The following WWOX variants were observed in gnomAD, a reference collection of about 807,000 sequenced individuals.
WWOX encodes the protein WW domain containing oxidoreductase.
Under a neutral mutation model 46.2 loss-of-function variants are expected in WWOX, and 69 were observed. The ratio of observed to expected loss-of-function variants is 1.49; its 90% CI spans 1.23 to 1.82. The LOEUF (loss-of-function observed/expected upper bound fraction) is 1.82, where lower values mean the gene tolerates loss of function less well. Ranked by LOEUF, WWOX falls within the 40% of genes most tolerant of loss-of-function variation. The pLI is 0.00. For synonymous variants in WWOX, 359 were observed against 202.6 expected (o/e 1.77, Z -6.56); for missense variants, 919 against 542.6 (o/e 1.69, Z -6.89).
chr16:78,523,767 T>A (rs1391708897), intron 8 of WWOX, among the ~76,000 whole-genome samples: 1 of 152,180 alleles, frequency 6.6e-6, no homozygotes, highest in African/African-American at 2.4e-5. Context: ...ACGTCTGATT[T>A]ATGAGAGCAT....
At chr16:78,638,393 C>G (rs1056569438) in intron 8 of WWOX, among the ~76,000 whole-genome samples, 1 of 152,128 alleles carries the variant, frequency 6.6e-6, no homozygotes, top group Non-Finnish European at 1.5e-5. Flanking sequence ...CTGGCTGGGT[C>G]TGCCTTTCCA....
intron 5 of WWOX, among the ~76,000 whole-genome samples, chr16:78,330,130 C>G (rs920027037): frequency 6.6e-6 from 1 of 152,060 alleles, no homozygotes; most frequent in Non-Finnish European, 1.5e-5. Context: ...TACCTAAATG[C>G]CTAAACGTTT....
intron 8 of WWOX, among the ~76,000 whole-genome samples, chr16:78,718,911 A>T (rs544774389): frequency 6.6e-6 from 1 of 152,214 alleles, no homozygotes; most frequent in Admixed American, 6.5e-5. Flanking sequence ...CTGACTCATG[A>T]CCTAAAGAAC....
At chr16:78,915,014 A>G (rs145129108) in intron 8 of WWOX, among the ~76,000 whole-genome samples, 57 of 152,276 alleles carry the variant, frequency 3.7e-4, no homozygotes, top group African/African-American at 1.3e-3. Context: ...GGTTCACACC[A>G]AAAACATAGA....
At chr16:78,406,356 T>TA (rs2082543739) in intron 6 of WWOX, among the ~76,000 whole-genome samples, 2 of 96,250 alleles carry the variant, frequency 2.1e-5, no homozygotes, top group East Asian at 3.0e-4. Context: ...ATATATATAT[T>TA]TTATTATTTT....
At position 78,329,865 on chromosome 16, in the gene WWOX, A is replaced by G. The variant is rs78319928; in HGVS notation, c.517-56995A>G. ...TGGCTCCAGTGATTCTCCCACCTCA[A>G]CCTCCCAAGTAGCTGGGACTACAGG... On this transcript the variant is annotated intron_variant, in intron 5 of 8. Coordinates refer to ENST00000566780, the MANE Select transcript of WWOX (RefSeq NM_016373.4). Among the ~76,000 whole-genome samples the G allele has an allele frequency of 4.7e-3, 707 of 151,376 alleles. 24 individuals carry two copies. The East Asian group carries it at 0.079, about 17-fold the overall frequency.
chr16:78,856,006 C>G (rs1188507347), intron 8 of WWOX, among the ~76,000 whole-genome samples: 2 of 152,198 alleles, frequency 1.3e-5, no homozygotes, highest in African/African-American at 4.8e-5. Context: ...AGGTGACTAA[C>G]TTTATCTAAC....
chr16:78,644,096 C>G (rs1034106269), intron 8 of WWOX, among the ~76,000 whole-genome samples: 2 of 152,040 alleles, frequency 1.3e-5, no homozygotes, highest in Non-Finnish European at 2.9e-5. Context: ...GTGGTGCATG[C>G]CTGTAATCCC....
chr16:78,596,253 T>C (rs972462386), intron 8 of WWOX, among the ~76,000 whole-genome samples: 9 of 152,330 alleles, frequency 5.9e-5, no homozygotes, highest in African/African-American at 2.2e-4. Context: ...ATCTTTTCTT[T>C]TGTTCATTTG....
At chr16:78,262,649 G>A (rs1269455383) in intron 5 of WWOX, among the ~76,000 whole-genome samples, 1 of 152,054 alleles carries the variant, frequency 6.6e-6, no homozygotes, top group Non-Finnish European at 1.5e-5. Context: ...GTTGGAGAAG[G>A]TCAGGCAAAG....
At chr16:79,170,878 A>C (rs1237504963) in intron 8 of WWOX, among the ~76,000 whole-genome samples, 2 of 152,118 alleles carry the variant, frequency 1.3e-5, no homozygotes, top group East Asian at 3.8e-4. Context: ...ACTTTGGCCA[A>C]ACCTTCGTGG....
At position 78,878,805 on chromosome 16, in the gene WWOX, A is replaced by T. The variant is rs2044283490; in HGVS notation, c.1057-332803A>T. On this transcript the variant is annotated intron_variant, in intron 8 of 8. Transcript: ENST00000566780. ...CTTATGGCTGTAATCCCAGAAACTC[A>T]AGAAGCTGAGGCAGGAGAATCCCTA... Among the ~76,000 whole-genome samples, 3 of 151,704 alleles carry T rather than the reference A, an allele frequency of 2.0e-5. No homozygotes were observed. The South Asian group carries it at 6.3e-4, about 32-fold the overall frequency.
chr16:78,550,692 C>T (rs1003688130), intron 8 of WWOX: 8 of 152,074 alleles, frequency 5.3e-5, no homozygotes, highest in South Asian at 4.2e-4. Context: ...TACTCCTGGG[C>T]TGTGCTGGGG....
chr16:78,725,789 C>G (rs1276543712), intron 8 of WWOX, among the ~76,000 whole-genome samples: 2 of 152,016 alleles, frequency 1.3e-5, no homozygotes, highest in Admixed American at 1.3e-4. Context: ...TACTCCATGC[C>G]TTTGTCTTAG....
chr16:78,801,666 A>G (rs1354319094), intron 8 of WWOX, among the ~76,000 whole-genome samples: 4 of 152,168 alleles, frequency 2.6e-5, no homozygotes, highest in Non-Finnish European at 1.5e-5. Flanking sequence ...AGTTATCCAC[A>G]GAGTTTTAAA....
chr16:78,709,434 G>T (rs2048392243), intron 8 of WWOX, among the ~76,000 whole-genome samples: 1 of 152,260 alleles, frequency 6.6e-6, no homozygotes, highest in South Asian at 2.1e-4. Flanking sequence ...AAGTAATCGG[G>T]CTCTGTCAGA....
At position 78,218,781 on chromosome 16, in the gene WWOX, C is replaced by T. The variant is rs1372450679; in HGVS notation, c.516+54492C>T. On this transcript the variant is annotated intron_variant, in intron 5 of 8. Transcript: ENST00000566780. The stretch of plus-strand genomic sequence containing the variant: ...CGCCGTGCAGTGTGGAAGCACGCTT[C>T]GGTGCGCATGTAAGTTTACGTGCTA... Among the ~76,000 whole-genome samples the T allele has an allele frequency of 2.6e-5, 4 of 152,200 alleles. No individual in the cohort carries two copies. In the East Asian group the frequency reaches 5.8e-4, roughly 22 times the overall value.
At chr16:78,909,942 A>G (rs553870993) in intron 8 of WWOX, among the ~76,000 whole-genome samples, 21 of 152,346 alleles carry the variant, frequency 1.4e-4, no homozygotes, top group Admixed American at 4.6e-4. Flanking sequence ...CTGGGGTTTC[A>G]TCTTCTCTCC....
chr16:78,495,558 G>A (rs932703628), intron 8 of WWOX, among the ~76,000 whole-genome samples: 1 of 150,594 alleles, frequency 6.6e-6, no homozygotes, highest in Non-Finnish European at 1.5e-5. Context: ...ACCTAGGCTG[G>A]AGTGCAGTGG....
Sources: allele counts gnomAD v4.1 joint callset (sites outside exome capture counted in the v4.1 genomes callset), GRCh38; gene constraint gnomAD v4.1.1; transcripts MANE v1.5; gene names NCBI Gene and HGNC (gene_info 2026-07-23, HGNC 2026-07-21).